OR9Q1: variants seen among roughly 807,000 people sequenced by gnomAD.
OR9Q1 encodes the protein olfactory receptor family 9 subfamily Q member 1, also known as olfactory receptor 9Q1.
For missense variants in OR9Q1, 374 were observed against 378.8 expected (o/e 0.99, Z 0.11); for synonymous variants, 153 against 148.6 (o/e 1.03, Z -0.22).
At chr11:58,175,147 CACA>C (rs970138992) in intron 2 of OR9Q1, among the ~76,000 whole-genome samples, 7 of 145,946 alleles carry the variant, frequency 4.8e-5, no homozygotes, top group African/African-American at 1.3e-4. Flanking sequence ...GATTATTACG[CACA>C]ACAATATATA....
chr11:58,121,937 G>T (rs1190068732), intron 2 of OR9Q1, among the ~76,000 whole-genome samples: 3 of 152,140 alleles, frequency 2.0e-5, no homozygotes, highest in Non-Finnish European at 4.4e-5. Context: ...ACTGACAGAG[G>T]TTAATGACTT....
At chr11:58,093,777 A>G (rs1853706112) in intron 2 of OR9Q1, among the ~76,000 whole-genome samples, 1 of 151,200 alleles carries the variant, frequency 6.6e-6, no homozygotes, top group East Asian at 1.9e-4. Context: ...AAAAAAAAAA[A>G]AAAAAAGACA....
At chr11:58,172,257 G>A (rs970791985) in intron 2 of OR9Q1, among the ~76,000 whole-genome samples, 2 of 152,156 alleles carry the variant, frequency 1.3e-5, no homozygotes, top group African/African-American at 4.8e-5. Context: ...AGGGATGTTG[G>A]CTATTCCTGT....
chr11:58,094,002 A>G (rs1015695025), intron 2 of OR9Q1, among the ~76,000 whole-genome samples: 4 of 152,192 alleles, frequency 2.6e-5, no homozygotes, highest in Non-Finnish European at 4.4e-5. Flanking sequence ...TCATATGTTT[A>G]TCACAGCACT....
chr11:58,174,769 T>C (rs1423535392), intron 2 of OR9Q1, among the ~76,000 whole-genome samples: 1 of 151,520 alleles, frequency 6.6e-6, no homozygotes, highest in African/African-American at 2.4e-5. Context: ...TAATGAAATT[T>C]AAGGACTTTC....
At chr11:58,122,843 T>C (rs995954586) in intron 2 of OR9Q1, among the ~76,000 whole-genome samples, 14 of 152,202 alleles carry the variant, frequency 9.2e-5, no homozygotes, top group Non-Finnish European at 1.9e-4. Flanking sequence ...TATATGTATA[T>C]TAAAATATAG....
chr11:58,037,717 T>A lies in OR9Q1; in HGVS notation c.-93+13613T>A, dbSNP rs1251405579. ...TTTTTTTTTTTTTTTTTTTTTTTTT[T>A]TTTTTTTTTTTTTTTTTTTGAGACG... On this transcript the variant is annotated intron_variant, in intron 1 of 2. Coordinates refer to ENST00000335397, the MANE Select transcript of OR9Q1 (RefSeq NM_001005212.4). Among the ~76,000 whole-genome samples, 8 of 28,234 alleles carry A rather than the reference T, an allele frequency of 2.8e-4. 1 individual carries two copies. The highest frequency in any genetic ancestry group is 7.7e-4 in the Admixed American group (2 of 2,608). The allele number at this position is 28,234 out of a possible 152,430, so 18.5% of individuals were successfully genotyped here. A position where few individuals can be genotyped will look rare whatever the true frequency, so the allele number is the denominator to read the frequency against.
intron 1 of OR9Q1, chr11:58,040,886 C>A (rs1853155333): frequency 1.3e-5 from 2 of 152,244 alleles, no homozygotes; most frequent in Non-Finnish European, 2.9e-5. Context: ...CATGAGGCCT[C>A]CTGCTGATGC....
chr11:58,158,247 G>C (rs922998505), intron 2 of OR9Q1, among the ~76,000 whole-genome samples: 1 of 152,078 alleles, frequency 6.6e-6, no homozygotes, highest in African/African-American at 2.4e-5. Context: ...ACATACATAA[G>C]TAGTCAGTTC....
At chr11:58,149,753 G>T (rs1032460295) in intron 2 of OR9Q1, among the ~76,000 whole-genome samples, 1 of 152,146 alleles carries the variant, frequency 6.6e-6, no homozygotes, top group East Asian at 1.9e-4. Flanking sequence ...TTAACACAAT[G>T]TTCTCAAGGT....
chr11:58,100,190 C>G (rs987004290), intron 2 of OR9Q1, among the ~76,000 whole-genome samples: 2 of 152,174 alleles, frequency 1.3e-5, no homozygotes, highest in African/African-American at 4.8e-5. Flanking sequence ...GCTCAGAACT[C>G]ATACAACATC....
intron 2 of OR9Q1, among the ~76,000 whole-genome samples, chr11:58,148,646 T>C (rs1308327205): frequency 1.3e-5 from 2 of 152,070 alleles, no homozygotes; most frequent in African/African-American, 4.8e-5. Context: ...GCATGTTTGG[T>C]TTGAAGGTTT....
At chr11:58,033,217 A>G (rs1290471383) in intron 1 of OR9Q1, among the ~76,000 whole-genome samples, 1 of 152,240 alleles carries the variant, frequency 6.6e-6, no homozygotes, top group Non-Finnish European at 1.5e-5. Context: ...AGAATGAAAA[A>G]TAGAACTGCT....
intron 2 of OR9Q1, among the ~76,000 whole-genome samples, chr11:58,142,967 G>A (rs903907502): frequency 6.6e-6 from 1 of 152,098 alleles, no homozygotes; most frequent in Non-Finnish European, 1.5e-5. Flanking sequence ...AGGAAGAGGC[G>A]ACTTGGCAGG....
intron 2 of OR9Q1, among the ~76,000 whole-genome samples, chr11:58,163,255 G>A (rs1391261641): frequency 6.6e-6 from 1 of 152,192 alleles, no homozygotes; most frequent in Non-Finnish European, 1.5e-5. Context: ...ACCTCTAACA[G>A]TAAAGTATAA....
intron 2 of OR9Q1, among the ~76,000 whole-genome samples, chr11:58,168,595 T>C (rs546574270): frequency 1.6e-4 from 24 of 152,164 alleles, no homozygotes; most frequent in African/African-American, 5.8e-4. Flanking sequence ...TTTGTTGTTT[T>C]TTTTTTTCCA....
At chr11:58,127,903 G>A (rs1854104259) in intron 2 of OR9Q1, among the ~76,000 whole-genome samples, 1 of 152,148 alleles carries the variant, frequency 6.6e-6, no homozygotes. Context: ...AATTTCTGAA[G>A]CAAGTCTTGC....
rs1457994740 is a variant in OR9Q1, at chr11:58,118,748, C to T, written c.-14-60683C>T. ...CATGTGGAGAAAGTCTTGGCCCTGC[C>T]ACCTGAAGACTTCACTTTCAAAATG... On this transcript the variant is annotated intron_variant, in intron 2 of 2. Transcript: ENST00000335397. 4 of 1,613,926 alleles carry T rather than the reference C, an allele frequency of 2.5e-6. No homozygotes were observed. Among genetic ancestry groups the T allele is most frequent in the African/African-American group, 1.3e-5 (1 of 74,914 alleles).
rs558062043 is a variant in OR9Q1 at position 58,042,753 on chromosome 11, C to T, written c.-92-13117C>T. On this transcript the variant is annotated intron_variant, in intron 1 of 2. Transcript: ENST00000335397. ...ACCTTGGGCAGTATGGCCATTTTCA[C>T]GATATTGATTCTTCCTACCCATTAG... 9.9e-5 allele frequency among the ~76,000 whole-genome samples: 15 copies of T among 152,268 alleles called. No individual in the cohort carries two copies. The South Asian group carries it at 1.2e-3, about 13-fold the overall frequency.
Sources: allele counts gnomAD v4.1 joint callset (sites outside exome capture counted in the v4.1 genomes callset), GRCh38; gene constraint gnomAD v4.1.1; transcripts MANE v1.5; gene names NCBI Gene and HGNC (gene_info 2026-07-23, HGNC 2026-07-21).